NBPF9: variants seen among roughly 807,000 people sequenced by gnomAD.
NBPF9 encodes NBPF family member NBPF9.
In NBPF9, 91 loss-of-function variants were observed where a neutral mutation model predicts 97.8. The observed-to-expected ratio is 0.93, with a 90% confidence interval of 0.79 to 1.11. NBPF9 has a LOEUF of 1.11. NBPF9 is among the 50% of genes least tolerant of loss of function. The pLI, the probability that NBPF9 is intolerant of heterozygous loss-of-function variation, is 0.00. For synonymous variants in NBPF9, 334 were observed against 359.5 expected, an observed-to-expected ratio of 0.93 and a Z score of 0.80; for missense variants, 992 against 939.5, an observed-to-expected ratio of 1.06 and a Z score of -0.73.
intron 5 of NBPF9, among the ~76,000 whole-genome samples, chr1:149,084,675 C>T (rs1436714376): frequency 9.9e-5 from 15 of 151,588 alleles, no homozygotes; most frequent in African/African-American, 2.9e-4. Context: ...GCAACAAGGA[C>T]CCACCTTCCA....
At chr1:149,057,729 AC>A (rs1575821080) in intron 27 of NBPF9, among the ~76,000 whole-genome samples, 27 of 98,744 alleles carry the variant, frequency 2.7e-4, no homozygotes, top group Admixed American at 2.7e-3. Flanking sequence ...ACACACACAC[AC>A]ACACACACAC....
chr1:149,055,756 T>A (rs1190399612), exon 30 of NBPF9: 1 of 1,611,812 alleles, frequency 6.2e-7, no homozygotes, highest in Non-Finnish European at 8.5e-7. Context: ...GCTGATGTGC[T>A]GTTCCTCAAA....
At chr1:149,070,320 C>CAAA (rs3979925) in intron 16 of NBPF9, among the ~76,000 whole-genome samples, 101 of 47,802 alleles carry the variant, frequency 2.1e-3, no homozygotes, top group Middle Eastern at 0.013. Context: ...GACTCCATCG[C>CAAA]AAAAAAAAAA....
intron 13 of NBPF9, among the ~76,000 whole-genome samples, chr1:149,073,266 T>G (rs587773241): frequency 7.0e-6 from 1 of 143,662 alleles, no homozygotes; most frequent in Non-Finnish European, 1.5e-5. Context: ...AAAATACACA[T>G]AGTGCATCTT....
At chr1:149,090,290 T>C (rs1267944350) in intron 5 of NBPF9, 2 of 164,018 alleles carry the variant, frequency 1.2e-5, no homozygotes, top group Admixed American at 1.2e-4. Flanking sequence ...TCCTAAGGCG[T>C]CCAGTTGAAA....
intron 5 of NBPF9, among the ~76,000 whole-genome samples, 152 bp downstream of exon 5, chr1:149,090,601 G>A (rs2081352952): frequency 6.6e-6 from 1 of 152,106 alleles, no homozygotes; most frequent in African/African-American, 2.4e-5. Flanking sequence ...TTAGAAAATT[G>A]TTCAACAAGG....
chr1:149,082,995 G>C (rs1371656688), intron 5 of NBPF9, among the ~76,000 whole-genome samples: 2 of 68,438 alleles, frequency 2.9e-5, no homozygotes, highest in Admixed American at 4.3e-4. Context: ...ATTTTTAGTA[G>C]AGACGGGGTT....
intron 5 of NBPF9, among the ~76,000 whole-genome samples, chr1:149,089,215 C>T (rs1360137473): frequency 3.9e-5 from 6 of 152,258 alleles, no homozygotes; most frequent in African/African-American, 9.6e-5. Context: ...ACACGCACAC[C>T]GCTGTTCCCC....
chr1:149,060,286 G>T (rs1170668452), intron 24 of NBPF9: 1 of 357,574 alleles, frequency 2.8e-6, no homozygotes. Flanking sequence ...ATGTCATGAG[G>T]ATAGGATCAG....
chr1:149,094,083 T>G (rs2081588886), intron 4 of NBPF9, among the ~76,000 whole-genome samples: 1 of 151,880 alleles, frequency 6.6e-6, no homozygotes, highest in Non-Finnish European at 1.5e-5. Context: ...TGCAGTGAGC[T>G]GAGATGGCGC....
chr1:149,082,727 G>T (rs1334266465), intron 5 of NBPF9, among the ~76,000 whole-genome samples: 1 of 144,474 alleles, frequency 6.9e-6, no homozygotes, highest in Non-Finnish European at 1.5e-5. Flanking sequence ...CTTAATGGTA[G>T]TCATGAAGTC....
In NBPF9 at chr1:149,075,622, T is replaced by C. The variant is rs587613352; in HGVS notation, c.988+33A>G. 13 of 1,597,374 alleles carry C rather than the reference T, an allele frequency of 8.1e-6. No homozygotes were observed. In the Admixed American group the frequency reaches 1.5e-4, roughly 18 times the overall value. On this transcript the variant is annotated intron_variant, in intron 12 of 29. Coordinates refer to ENST00000584027, the Ensembl canonical transcript of NBPF9. ...CAGAGAGAAGACAGGACGTCGTTCA[T>C]CACTTTCGTGATGGTGAGCCTATAG...
At position 149,063,090 on chromosome 1, in the gene NBPF9, G is replaced by C. The variant is rs587640568; in HGVS notation, c.2027-177C>G. Among the ~76,000 whole-genome samples the C allele has an allele frequency of 6.9e-4, 96 of 140,104 alleles. 2 individuals carry two copies. The highest frequency in any genetic ancestry group is 3.5e-3 in the Middle Eastern group (1 of 282). 91.9% of individuals were successfully genotyped at this position (140,104 alleles called of 152,430 possible). A position where few individuals can be genotyped will look rare whatever the true frequency, so the allele number is the denominator to read the frequency against. On this transcript the variant is annotated intron_variant, in intron 20 of 29. Coordinates refer to ENST00000584027, the Ensembl canonical transcript of NBPF9. ...TCACCATAGAGATTCCTTGGTTTTTGTCCCAGAAACTGTGGGTAAAATTCC... is the reference window on the plus strand; with the variant it reads ...TCACCATAGAGATTCCTTGGTTTTTCTCCCAGAAACTGTGGGTAAAATTCC...
chr1:149,084,384 G>T (rs1161289857), intron 5 of NBPF9, among the ~76,000 whole-genome samples: 4 of 145,716 alleles, frequency 2.7e-5, no homozygotes, highest in African/African-American at 1.0e-4. Flanking sequence ...TATATAATAC[G>T]TGTATATACA....
chr1:149,075,143 A>G (rs1191929930), intron 12 of NBPF9, among the ~76,000 whole-genome samples: 2 of 151,496 alleles, frequency 1.3e-5, no homozygotes, highest in African/African-American at 2.4e-5. Context: ...TCATTTATAG[A>G]CAGCACAGGT....
rs1448258205 is a variant in NBPF9, at chr1:149,073,727, A to G, written c.1091+41T>C. On this transcript the variant is annotated intron_variant, in intron 13 of 29. Transcript: ENST00000584027. ...CCGAGCTGCTGTACTTCAGAGATTT[A>G]CACACCTGCCCCCCTGCCTGCCCCC... The G allele has an allele frequency of 2.0e-6, 3 of 1,480,920 alleles. 1 individual carries two copies. Among genetic ancestry groups the G allele is most frequent in the Non-Finnish European group, 2.8e-6 (3 of 1,064,876 alleles). 91.7% of individuals were successfully genotyped at this position (1,480,920 alleles called of 1,614,324 possible). A position where few individuals can be genotyped will look rare whatever the true frequency, so the allele number is the denominator to read the frequency against.
Position 149,077,412 on chromosome 1 carries a change from G to A in NBPF9, c.574C>T (p.Gln192Ter). The change falls in exon 11 of 30, where the codon CAG becomes TAG. Residue 192 changes from glutamine (Q) to a stop codon, truncating the protein, a stop_gained. Coordinates refer to ENST00000584027, the Ensembl canonical transcript of NBPF9. LOFTEE classifies it high-confidence loss of function. ...GCGACTTTGCTCTCTTCAGCCTTCT[G>A]CACCTCCCTGATGAGCCAGGTGGGA... is the stretch of plus-strand genomic sequence containing the variant. 6.2e-7 allele frequency: 1 copy of A among 1,609,636 alleles called. No individual in the cohort carries two copies. The highest frequency in any genetic ancestry group is 1.3e-5 in the African/African-American group (1 of 74,896).
chr1:149,101,717 G>C (rs1185951264), intron 2 of NBPF9, among the ~76,000 whole-genome samples: 1 of 151,808 alleles, frequency 6.6e-6, no homozygotes, highest in Non-Finnish European at 1.5e-5. Flanking sequence ...TAACTGACAG[G>C]CATCAGCAAG....
chr1:149,089,033 T>C (rs2081233305), intron 5 of NBPF9, among the ~76,000 whole-genome samples: 1 of 151,374 alleles, frequency 6.6e-6, no homozygotes, highest in African/African-American at 2.4e-5. Context: ...AACCACCACA[T>C]GTCCCTGCCT....
Sources: allele counts gnomAD v4.1 joint callset (sites outside exome capture counted in the v4.1 genomes callset), GRCh38; gene constraint gnomAD v4.1.1; transcripts MANE v1.5; gene names NCBI Gene and HGNC (gene_info 2026-07-23, HGNC 2026-07-21).